STK39: variants seen among roughly 807,000 people sequenced by gnomAD.
The protein encoded by STK39 is serine/threonine kinase 39, also known as STE20/SPS1-related proline-alanine-rich protein kinase.
A neutral mutation model predicts 77.8 loss-of-function variants in STK39; 20 were observed. The ratio of observed to expected loss-of-function variants is 0.26; its 90% CI spans 0.18 to 0.37. The LOEUF (loss-of-function observed/expected upper bound fraction) is 0.37. Ranked by LOEUF, STK39 falls within the 10% of genes least tolerant of loss-of-function variation. The pLI, the probability that STK39 is intolerant of heterozygous loss-of-function variation, is 1.00. For synonymous variants in STK39, 246 were observed against 234.1 expected, an observed-to-expected ratio of 1.05 and a Z score of -0.47; for missense variants, 479 against 656.5, an observed-to-expected ratio of 0.73 and a Z score of 2.95.
intron 14 of STK39, among the ~76,000 whole-genome samples, chr2:168,058,942 G>C (rs1333105515): frequency 6.6e-6 from 1 of 152,186 alleles, no homozygotes; most frequent in Non-Finnish European, 1.5e-5. Flanking sequence ...CCCTCTAACA[G>C]TAAAATCCAA....
chr2:167,987,627 C>A (rs1559045741), intron 16 of STK39, among the ~76,000 whole-genome samples: 1 of 152,174 alleles, frequency 6.6e-6, no homozygotes, highest in Non-Finnish European at 1.5e-5. Flanking sequence ...GAAACCCCAG[C>A]TGGCAAAATC....
intron 5 of STK39, among the ~76,000 whole-genome samples, chr2:168,157,528 T>C (rs1688464969): frequency 6.6e-6 from 1 of 152,206 alleles, no homozygotes; most frequent in Non-Finnish European, 1.5e-5. Context: ...TCCAAGATTA[T>C]GGCATCGGCA....
At chr2:168,057,315 C>A (rs1017040613) in intron 14 of STK39, among the ~76,000 whole-genome samples, 8 of 152,276 alleles carry the variant, frequency 5.3e-5, no homozygotes, top group South Asian at 2.1e-4. Context: ...GCCTCAGCCT[C>A]CTGAGTAGCT....
intron 16 of STK39, among the ~76,000 whole-genome samples, chr2:168,001,174 G>T (rs945040136): frequency 2.1e-4 from 32 of 150,082 alleles, no homozygotes; most frequent in African/African-American, 6.9e-4. Context: ...TATAGTGGGT[G>T]ATTCTGAAAA....
At chr2:168,059,107 C>A (rs1011269860) in intron 14 of STK39, among the ~76,000 whole-genome samples, 1 of 152,122 alleles carries the variant, frequency 6.6e-6, no homozygotes, top group African/African-American at 2.4e-5. Flanking sequence ...GCTGTTTGCT[C>A]GGCCTCGTGG....
chr2:168,214,518 G>T (rs1047792068), intron 1 of STK39, among the ~76,000 whole-genome samples: 3 of 152,120 alleles, frequency 2.0e-5, no homozygotes, highest in African/African-American at 7.2e-5. Flanking sequence ...TTCATGGTAT[G>T]GGGAATGGTG....
chr2:168,208,038 T>C (rs886453166), intron 1 of STK39, among the ~76,000 whole-genome samples: 1 of 152,150 alleles, frequency 6.6e-6, no homozygotes, highest in African/African-American at 2.4e-5. Context: ...CTCAGCAGGC[T>C]CCTTCTCCGG....
intron 8 of STK39, 78 bp downstream of exon 8, chr2:168,138,010 A>G: frequency 6.6e-7 from 1 of 1,526,574 alleles, no homozygotes; most frequent in South Asian, 1.3e-5. Context: ...TGTCCTCACA[A>G]AGCCTTTCCC....
chr2:167,987,176 G>A (rs753716673), intron 16 of STK39, among the ~76,000 whole-genome samples: 1 of 152,164 alleles, frequency 6.6e-6, no homozygotes, highest in Non-Finnish European at 1.5e-5. Flanking sequence ...GACTGGGCAC[G>A]AGCAAAGACA....
intron 14 of STK39, among the ~76,000 whole-genome samples, chr2:168,055,589 C>G (rs1685503038): frequency 6.6e-6 from 1 of 152,212 alleles, no homozygotes; most frequent in Non-Finnish European, 1.5e-5. Flanking sequence ...ATTGATGGGA[C>G]ATACCAGACC....
chr2:168,095,775 C>T (rs891302100), intron 10 of STK39, among the ~76,000 whole-genome samples: 2 of 152,034 alleles, frequency 1.3e-5, no homozygotes, highest in Admixed American at 1.3e-4. Context: ...TACAGGGTAT[C>T]TCTTTCTTTA....
At chr2:168,106,569 CAG>C (rs1686979405) in intron 10 of STK39, among the ~76,000 whole-genome samples, 1 of 152,110 alleles carries the variant, frequency 6.6e-6, no homozygotes, top group Admixed American at 6.5e-5. Context: ...CCTATAATCC[CAG>C]CACTTTGGGA....
chr2:168,015,891 CAGAA>C (rs1412159682), intron 15 of STK39, among the ~76,000 whole-genome samples: 2 of 152,110 alleles, frequency 1.3e-5, no homozygotes, highest in Non-Finnish European at 1.5e-5. Flanking sequence ...TGGATACCTC[CAGAA>C]AGAAAGATCA....
At chr2:168,119,860 C>T (rs79863492) in intron 10 of STK39, among the ~76,000 whole-genome samples, 3,177 of 152,248 alleles carry the variant, frequency 0.021, 107 homozygotes, top group African/African-American at 0.072. Flanking sequence ...TGTAGAAACT[C>T]AGGGTAATTT....
chr2:168,208,518 T>C (rs779178704), intron 1 of STK39, among the ~76,000 whole-genome samples: 4 of 152,234 alleles, frequency 2.6e-5, no homozygotes, highest in Non-Finnish European at 5.9e-5. Context: ...CGTAATTATG[T>C]GCTTTCCCTT....
chr2:168,102,764 C>T (rs1451426673), intron 10 of STK39, among the ~76,000 whole-genome samples: 1 of 151,784 alleles, frequency 6.6e-6, no homozygotes, highest in Admixed American at 6.6e-5. Context: ...CCCGTCTCTA[C>T]TAAAAATACA....
Position 168,164,639 on chromosome 2 carries a change from T to C in STK39, c.431-759A>G, listed in dbSNP as rs1688654340. Among the ~76,000 whole-genome samples the C allele has an allele frequency of 2.7e-5, 4 of 149,060 alleles. No homozygotes were observed. In the South Asian group the frequency reaches 8.4e-4, roughly 31 times the overall value. ...CCATGCCGGTCTTGAACTTCTGGGC[T>C]TAAGTGATCTGCCCACCTTTGGCCT... On this transcript the variant is annotated intron_variant, in intron 3 of 17. Transcript: ENST00000355999.
chr2:168,103,410 C>T (rs572010652), intron 10 of STK39, among the ~76,000 whole-genome samples: 2 of 152,288 alleles, frequency 1.3e-5, no homozygotes, highest in South Asian at 2.1e-4. Context: ...CCCACAGCTG[C>T]GGACCCTTTC....
chr2:168,218,816 T>A (rs1690089928), intron 1 of STK39, among the ~76,000 whole-genome samples: 1 of 152,116 alleles, frequency 6.6e-6, no homozygotes, highest in Non-Finnish European at 1.5e-5. Context: ...ATTAGGAGAA[T>A]CAAAAGATTG....
Sources: gnomAD v4.1 joint callset for allele counts (sites outside exome capture counted in the v4.1 genomes callset) on GRCh38, gnomAD v4.1.1 for gene constraint, MANE v1.5 for transcripts, NCBI Gene and HGNC (gene_info 2026-07-23, HGNC 2026-07-21) for gene names.